The following RCL1 variants were observed in gnomAD, a reference collection of about 807,000 sequenced individuals.
RCL1 encodes the protein RNA terminal phosphate cyclase like 1.
Under a neutral mutation model 42.4 loss-of-function variants are expected in RCL1, and 24 were observed. The observed-to-expected ratio is 0.57, with a 90% CI of 0.41 to 0.80. The LOEUF (loss-of-function observed/expected upper bound fraction) is 0.80, where lower values mean the gene tolerates loss of function less well. Ranked by LOEUF, RCL1 falls within the 30% of genes least tolerant of loss-of-function variation. The pLI, the probability that RCL1 is intolerant of heterozygous loss-of-function variation, is 0.00. For missense variants in RCL1, 578 were observed against 467.9 expected (o/e 1.24, Z -2.17); for synonymous variants, 228 against 177.3 (o/e 1.29, Z -2.27).
intron 1 of RCL1, among the ~76,000 whole-genome samples, chr9:4,801,572 C>A (rs897043499): frequency 5.3e-5 from 8 of 152,062 alleles, no homozygotes; most frequent in African/African-American, 1.7e-4. Context: ...ACCTTGTCTT[C>A]TTATTATCTT....
At chr9:4,827,761 CGT>C (rs59604765) in intron 3 of RCL1, among the ~76,000 whole-genome samples, 34 of 147,650 alleles carry the variant, frequency 2.3e-4, no homozygotes, top group African/African-American at 6.8e-4. Flanking sequence ...TGTGTGCACG[CGT>C]GTGTGTGTGT....
intron 1 of RCL1, 123 bp from the exon 2 acceptor site, chr9:4,823,425 G>A (rs16922127): frequency 1.4e-5 from 9 of 666,252 alleles, no homozygotes; most frequent in Non-Finnish European, 2.0e-5. Context: ...AAGCCCAGGT[G>A]TGATGCAGGA....
At chr9:4,827,102 A>G (rs1210845640) in intron 3 of RCL1, 69 bp downstream of exon 3, 9 of 1,605,144 alleles carry the variant, frequency 5.6e-6, no homozygotes, top group Non-Finnish European at 7.7e-6. Flanking sequence ...CTTGTGAGAA[A>G]AAAGTTCCTT....
chr9:4,828,546 G>GC (rs1554639464), intron 3 of RCL1, among the ~76,000 whole-genome samples: 5 of 145,562 alleles, frequency 3.4e-5, no homozygotes, highest in African/African-American at 1.3e-4. Context: ...TTAATTAAGT[G>GC]TTTTTTTTTT....
chr9:4,845,742 C>T (rs932567699), intron 7 of RCL1, among the ~76,000 whole-genome samples: 1 of 152,188 alleles, frequency 6.6e-6, no homozygotes, highest in Non-Finnish European at 1.5e-5. Context: ...GTGTTAGGTC[C>T]CAGATTCTTG....
rs182851782 is a variant in RCL1 at position 4,801,994 on chromosome 9, C to T, written c.136+8767C>T. Among the ~76,000 whole-genome samples the T allele has an allele frequency of 1.5e-3, 222 of 151,794 alleles. 1 individual carries two copies. The highest frequency in any genetic ancestry group is 2.6e-3 in the Admixed American group (40 of 15,248). ...TGCAATCTTGGCTCACTGCAGCCTCCGCCTGCCAGGTTCCAGCGATTCTCC... is the reference window on the plus strand; with the variant it reads ...TGCAATCTTGGCTCACTGCAGCCTCTGCCTGCCAGGTTCCAGCGATTCTCC... On this transcript the variant is annotated intron_variant, in intron 1 of 8. Coordinates refer to ENST00000381750, the MANE Select transcript of RCL1 (RefSeq NM_005772.5).
intron 1 of RCL1, among the ~76,000 whole-genome samples, chr9:4,821,446 T>C (rs939306059): frequency 6.6e-6 from 1 of 152,176 alleles, no homozygotes; most frequent in African/African-American, 2.4e-5. Flanking sequence ...TCTTAATCCA[T>C]TTCGTTTTGC....
At chr9:4,811,295 GA>G (rs1401712280) in intron 1 of RCL1, among the ~76,000 whole-genome samples, 1 of 150,634 alleles carries the variant, frequency 6.6e-6, no homozygotes, top group Non-Finnish European at 1.5e-5. Context: ...AAAAAAAAAG[GA>G]AAAAAGAAAA....
intron 7 of RCL1, among the ~76,000 whole-genome samples, chr9:4,845,745 G>T (rs890777818): frequency 6.6e-6 from 1 of 152,338 alleles, no homozygotes; most frequent in African/African-American, 2.4e-5. Context: ...TTAGGTCCCA[G>T]ATTCTTGAAC....
intron 6 of RCL1, 58 bp downstream of exon 6, chr9:4,841,415 T>A: frequency 7.0e-7 from 1 of 1,431,622 alleles, no homozygotes; most frequent in Non-Finnish European, 9.7e-7. Flanking sequence ...CCTGTTCTAG[T>A]TGAAGTTAAA....
intron 6 of RCL1, among the ~76,000 whole-genome samples, chr9:4,842,610 C>G (rs1365192347): frequency 6.6e-6 from 1 of 152,124 alleles, no homozygotes; most frequent in African/African-American, 2.4e-5. Flanking sequence ...GTGATGATGC[C>G]TATGTTTTGG....
intron 5 of RCL1, chr9:4,836,675 G>A (rs565181437): frequency 2.2e-4 from 33 of 152,452 alleles, no homozygotes; most frequent in African/African-American, 6.3e-4. Context: ...GTCGGGTTTT[G>A]TGTTCTCAGG....
At chr9:4,795,821 A>G (rs1842904440) in intron 1 of RCL1, among the ~76,000 whole-genome samples, 1 of 152,164 alleles carries the variant, frequency 6.6e-6, no homozygotes, top group East Asian at 1.9e-4. Context: ...CAGTATGTGC[A>G]AGGCTTTGTA....
intron 8 of RCL1, among the ~76,000 whole-genome samples, chr9:4,853,347 G>A (rs377483189): frequency 3.8e-4 from 55 of 146,488 alleles, no homozygotes; most frequent in South Asian, 1.1e-3. Context: ...TTTTTGAGAC[G>A]GAGTCTCCTC....
At chr9:4,835,756 C>T (rs896865004) in intron 5 of RCL1, among the ~76,000 whole-genome samples, 1 of 152,336 alleles carries the variant, frequency 6.6e-6, no homozygotes, top group Admixed American at 6.5e-5. Context: ...TGGCCGTAAG[C>T]CTTGGTTGCC....
In RCL1 at chr9:4,840,250, T is replaced by C. The variant is rs186562257; in HGVS notation, c.585-982T>C. 1.9e-3 allele frequency among the ~76,000 whole-genome samples: 293 copies of C among 152,322 alleles called. 1 individual carries two copies. Among genetic ancestry groups the C allele is most frequent in the African/African-American group, 6.8e-3 (284 of 41,572 alleles). Reference sequence around the variant, plus strand: ...AGCAGTTCTTGAACATTGGGCTGGATTGGGCAGATTATATACCTCGTTCTA... The same window carrying C: ...AGCAGTTCTTGAACATTGGGCTGGACTGGGCAGATTATATACCTCGTTCTA... On this transcript the variant is annotated intron_variant, in intron 5 of 8. Transcript: ENST00000381750.
In RCL1 at chr9:4,833,216, A is replaced by G. The variant is rs1040060448; in HGVS notation, c.447A>G (p.Ser149=). 9 of 1,611,586 alleles carry G rather than the reference A, an allele frequency of 5.6e-6. No individual in the cohort carries two copies. Among genetic ancestry groups the G allele is most frequent in the Admixed American group, 3.3e-5 (2 of 60,012 alleles). The change falls in exon 4 of 9, where the codon TCA becomes TCG. Residue 149 remains serine, a synonymous_variant. Transcript: ENST00000381750. ...LLKQFGIDGE[S]FELKIVRRGM... ...AACAATTTGGGATTGATGGTGAATC[A>G]TTTGAACTGAAGGTAAGAATGTTTG...
intron 2 of RCL1, among the ~76,000 whole-genome samples, chr9:4,825,383 C>G (rs1816725645): frequency 6.6e-6 from 1 of 152,114 alleles, no homozygotes; most frequent in African/African-American, 2.4e-5. Flanking sequence ...AATATATAGT[C>G]TTTTTATGGT....
intron 1 of RCL1, among the ~76,000 whole-genome samples, chr9:4,817,513 A>T (rs939073323): frequency 2.1e-5 from 3 of 143,384 alleles, no homozygotes; most frequent in Non-Finnish European, 4.5e-5. Flanking sequence ...TGGCTCTGTC[A>T]TCCAGGCCAC....
Sources: allele counts gnomAD v4.1 joint callset (sites outside exome capture counted in the v4.1 genomes callset), GRCh38; gene constraint gnomAD v4.1.1; transcripts MANE v1.5; gene names NCBI Gene and HGNC (gene_info 2026-07-23, HGNC 2026-07-21).